Variants in IQSEC1 observed in about 807,000 individuals in gnomAD.
IQSEC1 encodes the protein IQ motif and SEC7 domain-containing protein 1.
A neutral mutation model predicts 91.0 loss-of-function variants in IQSEC1; 31 were observed. The observed-to-expected ratio is 0.34, with a 90% CI of 0.26 to 0.46. IQSEC1 has a LOEUF of 0.46. Among genes scored for constraint, IQSEC1 ranks in the 20% least tolerant of loss-of-function variants. IQSEC1 has a pLI of 1.00. For missense variants in IQSEC1, 1,388 were observed against 1,575.6 expected (o/e 0.88, Z 2.02); for synonymous variants, 699 against 662.6 (o/e 1.05, Z -0.84).
intron 1 of IQSEC1, among the ~76,000 whole-genome samples, chr3:13,049,912 C>G (rs79133620): frequency 1.3e-5 from 2 of 152,152 alleles, no homozygotes; most frequent in African/African-American, 4.8e-5. Context: ...ACAGTACGGT[C>G]GCTGAAGTCT....
intron 2 of IQSEC1, among the ~76,000 whole-genome samples, chr3:13,117,166 A>C (rs1347599198): frequency 6.6e-6 from 1 of 151,532 alleles, no homozygotes. Context: ...TAAATCATGA[A>C]TAGACCTTTC....
intron 1 of IQSEC1, among the ~76,000 whole-genome samples, chr3:13,019,415 C>T (rs745360507): frequency 7.9e-5 from 12 of 152,238 alleles, no homozygotes; most frequent in African/African-American, 1.2e-4. Context: ...AATCTGAAGA[C>T]GCAAGTGGAA....
chr3:12,997,060 G>A (rs998786683), intron 1 of IQSEC1, among the ~76,000 whole-genome samples: 1 of 152,194 alleles, frequency 6.6e-6, no homozygotes, highest in Non-Finnish European at 1.5e-5. Flanking sequence ...AGTAAACAGC[G>A]AAAGAAAAGA....
At chr3:12,913,944 C>G (rs1256647433) in intron 8 of IQSEC1, among the ~76,000 whole-genome samples, 1 of 152,178 alleles carries the variant, frequency 6.6e-6, no homozygotes, top group African/African-American at 2.4e-5. Flanking sequence ...AACATGAGGC[C>G]ACTCAGCCCT....
chr3:13,170,539 A>G (rs1403589171), intron 1 of IQSEC1, among the ~76,000 whole-genome samples: 1 of 152,236 alleles, frequency 6.6e-6, no homozygotes, highest in African/African-American at 2.4e-5. Context: ...ACTCAATGCC[A>G]GCCAGTGAAA....
chr3:13,055,582 A>T (rs1487393015), intron 1 of IQSEC1, among the ~76,000 whole-genome samples: 1 of 152,256 alleles, frequency 6.6e-6, no homozygotes, highest in Non-Finnish European at 1.5e-5. Flanking sequence ...AATCAGACAG[A>T]TGCCTTCACC....
At position 12,983,660 on chromosome 3, in the gene IQSEC1, G is replaced by C. The variant is rs1701580121; in HGVS notation, c.24-41795C>G. On this transcript the variant is annotated intron_variant, in intron 1 of 13. Transcript: ENST00000613206. The surrounding 1 kb of genome is among the most constrained non-coding windows in gnomAD (Gnocchi z 4.3). ...GCTCAGCTCCTTCAGGGACGCCTGG[G>C]CTGACCTCACAGGCCACGCTGGGCA... 6.6e-6 allele frequency among the ~76,000 whole-genome samples: 1 copy of C among 152,124 alleles called. No homozygotes were observed. Among genetic ancestry groups the C allele is most frequent in the Non-Finnish European group, 1.5e-5 (1 of 68,018 alleles).
intron 12 of IQSEC1, 65 bp from the exon 13 acceptor site, chr3:12,902,887 G>T: frequency 8.3e-7 from 1 of 1,207,074 alleles, no homozygotes; most frequent in Non-Finnish European, 1.2e-6. Context: ...TGCCTGCCTG[G>T]TGCCACGCTG....
chr3:13,053,968 A>G (rs538901618), intron 1 of IQSEC1, among the ~76,000 whole-genome samples: 10 of 152,320 alleles, frequency 6.6e-5, no homozygotes, highest in African/African-American at 2.2e-4. Flanking sequence ...GCCTGGGTGT[A>G]GATGTGTTTT....
intron 2 of IQSEC1, among the ~76,000 whole-genome samples, chr3:13,145,153 C>T (rs1332876426): frequency 6.6e-6 from 1 of 152,210 alleles, no homozygotes; most frequent in Admixed American, 6.5e-5. Flanking sequence ...AGTAACCACG[C>T]CTCAACGGCT....
In IQSEC1 at chr3:12,897,951, T is replaced by C. The variant is rs1186714680; in HGVS notation, c.*3032A>G. On this transcript the variant is annotated 3_prime_UTR_variant, in exon 14 of 14. Transcript: ENST00000613206. The stretch of plus-strand genomic sequence containing the variant: ...GTAAACTTAAAAAAATACAAATACA[T>C]GATTTGATTGTTGTCCCAGAAAAGA... The C allele has an allele frequency of 1.3e-5, 2 of 152,256 alleles. No homozygotes were observed. Among genetic ancestry groups the C allele is most frequent in the Non-Finnish European group, 2.9e-5 (2 of 68,046 alleles). 9.4% of individuals were successfully genotyped at this position (152,256 alleles called of 1,614,324 possible).
intron 1 of IQSEC1, among the ~76,000 whole-genome samples, chr3:13,246,719 A>T (rs1353158699): frequency 6.6e-6 from 1 of 152,146 alleles, no homozygotes; most frequent in Admixed American, 6.5e-5. Flanking sequence ...CAGCTTGTTC[A>T]TCAGTGTGGC....
At chr3:13,152,428 G>A (rs938040987) in intron 2 of IQSEC1, among the ~76,000 whole-genome samples, 3 of 152,240 alleles carry the variant, frequency 2.0e-5, no homozygotes, top group Admixed American at 1.3e-4. Context: ...AATAATAGCT[G>A]TAGAAACCAT....
intron 2 of IQSEC1, among the ~76,000 whole-genome samples, chr3:13,136,173 G>A (rs1328906991): frequency 1.3e-5 from 2 of 152,230 alleles, no homozygotes; most frequent in Non-Finnish European, 2.9e-5. Flanking sequence ...AGCCAACAAC[G>A]TGAGGGCCTT....
chr3:13,222,725 G>A (rs1027002134), intron 1 of IQSEC1, among the ~76,000 whole-genome samples: 1 of 152,190 alleles, frequency 6.6e-6, no homozygotes, highest in African/African-American at 2.4e-5. Context: ...TTGGGAAACT[G>A]ATCACGTTTC....
intron 2 of IQSEC1, among the ~76,000 whole-genome samples, chr3:13,154,597 A>C (rs879488781): frequency 4.7e-5 from 7 of 150,302 alleles, no homozygotes; most frequent in Non-Finnish European, 7.4e-5. Flanking sequence ...GAGATAAGTA[A>C]GGAAGCAGAA....
chr3:13,026,894 T>TA (rs886447187), intron 1 of IQSEC1, among the ~76,000 whole-genome samples: 7 of 145,536 alleles, frequency 4.8e-5, no homozygotes, highest in Non-Finnish European at 7.5e-5. Context: ...TTTTTTTTTT[T>TA]ACCAATTAAT....
chr3:13,075,698 CT>C (rs944485915), upstream of IQSEC1, among the ~76,000 whole-genome samples: 1 of 152,216 alleles, frequency 6.6e-6, no homozygotes, highest in Non-Finnish European at 1.5e-5. Flanking sequence ...AGATTTTAGG[CT>C]TTTACAAAAC....
intron 2 of IQSEC1, among the ~76,000 whole-genome samples, chr3:13,117,043 A>G (rs1473349585): frequency 1.3e-5 from 2 of 151,928 alleles, no homozygotes; most frequent in Non-Finnish European, 2.9e-5. Context: ...AAAAGTGGAA[A>G]GACAATTCCA....
Sources: allele counts gnomAD v4.1 joint callset (sites outside exome capture counted in the v4.1 genomes callset), GRCh38; gene constraint gnomAD v4.1.1; non-coding constraint Gnocchi (gnomAD v3.1); transcripts MANE v1.5; gene names NCBI Gene and HGNC (gene_info 2026-07-23, HGNC 2026-07-21).